NDUFAF6: variants seen among roughly 807,000 people sequenced by gnomAD.
NDUFAF6 encodes the protein NADH:ubiquinone oxidoreductase complex assembly factor 6.
NDUFAF6 carries 45 observed loss-of-function variants against 40.8 expected under a neutral mutation model. The ratio of observed to expected loss-of-function variants is 1.10; its 90% CI spans 0.87 to 1.42. NDUFAF6 has a LOEUF of 1.42. NDUFAF6 is among the 40% of genes most tolerant of loss of function. The pLI, the probability that NDUFAF6 is intolerant of heterozygous loss-of-function variation, is 0.00. For missense variants in NDUFAF6, 435 were observed against 418.5 expected, an observed-to-expected ratio of 1.04 and a Z score of -0.34; for synonymous variants, 185 against 155.9, an observed-to-expected ratio of 1.19 and a Z score of -1.39.
At chr8:95,092,615 C>T (rs1365534709) in intron 2 of NDUFAF6, among the ~76,000 whole-genome samples, 26 of 121,802 alleles carry the variant, frequency 2.1e-4, no homozygotes, top group African/African-American at 5.8e-4. Flanking sequence ...GATAGAGTCT[C>T]GCTCTGTCGC....
At chr8:94,931,609 CAT>C (rs1554629448) in intron 1 of NDUFAF6, among the ~76,000 whole-genome samples, 1 of 151,562 alleles carries the variant, frequency 6.6e-6, no homozygotes, top group African/African-American at 2.4e-5. Flanking sequence ...CACACACACA[CAT>C]AAAATTTTTT....
chr8:95,066,221 C>T (rs1587221035), intron 9 of NDUFAF6, among the ~76,000 whole-genome samples: 1 of 151,884 alleles, frequency 6.6e-6, no homozygotes, highest in Non-Finnish European at 1.5e-5. Flanking sequence ...AAATGATCCT[C>T]CCACCTCAGC....
chr8:94,961,891 A>G (rs969259293), intron 1 of NDUFAF6, among the ~76,000 whole-genome samples: 2 of 152,234 alleles, frequency 1.3e-5, no homozygotes, highest in African/African-American at 4.8e-5. Flanking sequence ...AGCTGCATCA[A>G]AATCCCCTGG....
At chr8:95,044,249 TAATG>T (rs1830469986) in intron 4 of NDUFAF6, among the ~76,000 whole-genome samples, 1 of 152,078 alleles carries the variant, frequency 6.6e-6, no homozygotes, top group Admixed American at 6.6e-5. Context: ...AGTGTCTGCT[TAATG>T]GATGCAACTT....
At chr8:95,108,236 G>T (rs1373400622), downstream of NDUFAF6, among the ~76,000 whole-genome samples, 2 of 151,934 alleles carry the variant, frequency 1.3e-5, no homozygotes, top group Non-Finnish European at 2.9e-5. Context: ...AAGAATTGAA[G>T]GCAGGGACTC....
intron 2 of NDUFAF6, among the ~76,000 whole-genome samples, chr8:95,091,838 G>A (rs559318786): frequency 8.0e-4 from 116 of 144,158 alleles, no homozygotes; most frequent in African/African-American, 2.6e-3. Flanking sequence ...CAGGGATCTC[G>A]TATGTTGCCC....
At chr8:94,951,358 C>CAAAAT (rs1822600613) in intron 2 of NDUFAF6, 2 of 152,208 alleles carry the variant, frequency 1.3e-5, no homozygotes, top group Non-Finnish European at 2.9e-5. Context: ...GCCAAAATGA[C>CAAAAT]GGCATTGTGA....
At chr8:95,006,084 G>A (rs1412509981) in intron 2 of NDUFAF6, among the ~76,000 whole-genome samples, 5 of 151,962 alleles carry the variant, frequency 3.3e-5, no homozygotes, top group Admixed American at 6.6e-5. Context: ...AAGGCCAGGC[G>A]CGGTGGCTCA....
chr8:95,076,985 T>G (rs904756761), downstream of NDUFAF6, among the ~76,000 whole-genome samples: 4 of 152,058 alleles, frequency 2.6e-5, no homozygotes, highest in African/African-American at 4.8e-5. Flanking sequence ...AAAGAAGTGA[T>G]TAAGGTGAAA....
chr8:94,918,145 C>G (rs1819261752), intron 1 of NDUFAF6, among the ~76,000 whole-genome samples: 1 of 152,130 alleles, frequency 6.6e-6, no homozygotes, highest in Admixed American at 6.5e-5. Flanking sequence ...CTTCTAAGTG[C>G]ACCGACCTGA....
chr8:94,996,775 G>A (rs928098890), intron 2 of NDUFAF6, among the ~76,000 whole-genome samples: 2 of 152,164 alleles, frequency 1.3e-5, no homozygotes, highest in Admixed American at 6.5e-5. Flanking sequence ...ATTAGGGTGG[G>A]CCCTCATCCA....
chr8:94,916,584 C>T (rs896406990), intron 1 of NDUFAF6, among the ~76,000 whole-genome samples: 2 of 152,002 alleles, frequency 1.3e-5, no homozygotes, highest in Non-Finnish European at 2.9e-5. Context: ...GAGGCCGAGG[C>T]GGGTGGATCA....
intron 2 of NDUFAF6, among the ~76,000 whole-genome samples, chr8:95,007,621 G>A (rs1827050509): frequency 6.7e-6 from 1 of 149,154 alleles, no homozygotes; most frequent in Non-Finnish European, 1.5e-5. Flanking sequence ...CCATGACCAT[G>A]CCACTGCACT....
intron 2 of NDUFAF6, among the ~76,000 whole-genome samples, chr8:94,991,611 G>T (rs1388721659): frequency 6.6e-6 from 1 of 151,880 alleles, no homozygotes; most frequent in Non-Finnish European, 1.5e-5. Context: ...CTTTTCTCTA[G>T]ATAATTTTGT....
At chr8:94,933,943 G>A (rs1489860166) in intron 1 of NDUFAF6, among the ~76,000 whole-genome samples, 1 of 149,372 alleles carries the variant, frequency 6.7e-6, no homozygotes, top group African/African-American at 2.5e-5. Context: ...TAGTGGCGGT[G>A]GCACATGCCT....
intron 2 of NDUFAF6, among the ~76,000 whole-genome samples, chr8:95,088,149 T>G (rs539247731): frequency 1.3e-5 from 2 of 152,328 alleles, no homozygotes; most frequent in African/African-American, 4.8e-5. Flanking sequence ...CTTGAGGCAC[T>G]GCCTGCAAAC....
At chr8:94,985,486 TA>T (rs1825758537) in intron 2 of NDUFAF6, among the ~76,000 whole-genome samples, 3 of 5,480 alleles carry the variant, frequency 5.5e-4, no homozygotes, top group Admixed American at 1.8e-3. Flanking sequence ...TATATATATA[TA>T]TATATATATA....
At chr8:94,926,374 G>A (rs777377767) in intron 1 of NDUFAF6, 15 of 144,598 alleles carry the variant, frequency 1.0e-4, no homozygotes, top group Admixed American at 2.1e-4. Context: ...CCCTATAAAG[G>A]AAATATGTTC....
At chr8:95,024,954 G>C (rs1273279891), upstream of NDUFAF6, 2 of 1,274,146 alleles carry the variant, frequency 1.6e-6, no homozygotes, top group African/African-American at 3.1e-5. Context: ...GGGCGTGGCC[G>C]GGGCGTAGCT....
Sources: allele counts gnomAD v4.1 joint callset (sites outside exome capture counted in the v4.1 genomes callset), GRCh38; gene constraint gnomAD v4.1.1; transcripts MANE v1.5; gene names NCBI Gene and HGNC (gene_info 2026-07-23, HGNC 2026-07-21).